CDK13: variants seen among roughly 807,000 people sequenced by gnomAD.
The protein encoded by CDK13 is cyclin dependent kinase 13, also known as cyclin-dependent kinase 13.
In CDK13, 40 loss-of-function variants were observed where a neutral mutation model predicts 137.6. The ratio of observed to expected loss-of-function variants is 0.29; its 90% CI spans 0.23 to 0.38. CDK13 has a LOEUF of 0.38. Ranked by LOEUF, CDK13 falls within the 10% of genes least tolerant of loss-of-function variation. The pLI, the probability that CDK13 is intolerant of heterozygous loss-of-function variation, is 1.00. For synonymous variants in CDK13, 869 were observed against 760.1 expected, an observed-to-expected ratio of 1.14 and a Z score of -2.36; for missense variants, 1,704 against 1,951.8, an observed-to-expected ratio of 0.87 and a Z score of 2.39.
chr7:40,000,433 C>G (rs1217558005), intron 4 of CDK13, among the ~76,000 whole-genome samples: 3 of 152,022 alleles, frequency 2.0e-5, no homozygotes, highest in African/African-American at 7.3e-5. Flanking sequence ...ATCCCAGCTA[C>G]TTGGGAGGCT....
intron 5 of CDK13, among the ~76,000 whole-genome samples, chr7:40,040,041 C>T (rs1785572794): frequency 7.1e-6 from 1 of 139,874 alleles, no homozygotes; most frequent in African/African-American, 2.7e-5. Context: ...GAGTTTTGCT[C>T]ATGTTGTTCA....
At chr7:40,020,292 T>C (rs1017801997) in intron 5 of CDK13, among the ~76,000 whole-genome samples, 2 of 152,124 alleles carry the variant, frequency 1.3e-5, no homozygotes, top group Non-Finnish European at 2.9e-5. Context: ...GGTCTCCAAC[T>C]CCTAGGCTCA....
rs1004161943 is a variant in CDK13, at chr7:40,098,221, C to G, written c.*3241C>G. 1 of 151,876 alleles carries G rather than the reference C, an allele frequency of 6.6e-6. No individual in the cohort carries two copies. Among genetic ancestry groups the G allele is most frequent in the African/African-American group, 2.4e-5 (1 of 41,344 alleles). The allele number at this position is 151,876 out of a possible 1,614,324, so 9.4% of individuals were successfully genotyped here. On this transcript the variant is annotated 3_prime_UTR_variant, in exon 14 of 14. Coordinates refer to ENST00000181839, the MANE Select transcript of CDK13 (RefSeq NM_003718.5). ...GTTGAATCTGGTCAGTTTGCAATGG[C>G]CTATTTGTAAGAAATATCAAGACTT...
intron 9 of CDK13, among the ~76,000 whole-genome samples, chr7:40,063,679 A>G (rs1425747501): frequency 1.3e-5 from 2 of 151,662 alleles, no homozygotes; most frequent in South Asian, 4.2e-4. Flanking sequence ...TTTTTTTGAG[A>G]TAGAGTCTCA....
intron 5 of CDK13, among the ~76,000 whole-genome samples, chr7:40,028,200 C>G (rs1785286166): frequency 1.4e-5 from 2 of 148,032 alleles, no homozygotes; most frequent in Admixed American, 1.3e-4. Flanking sequence ...TTCCCAGGAT[C>G]TCAGATGCTT....
In CDK13 at chr7:39,951,723, C is replaced by T. The variant is rs919868121; in HGVS notation, c.1082C>T (p.Pro361Leu). 4 of 1,487,364 alleles carry T rather than the reference C, an allele frequency of 2.7e-6. No homozygotes were observed. Among genetic ancestry groups the T allele is most frequent in the South Asian group, 1.4e-5 (1 of 73,842 alleles). 92.1% of individuals were successfully genotyped at this position (1,487,364 alleles called of 1,614,324 possible). Reference sequence around the variant, plus strand: ...CGGCGGCTGCCGCGCTCCCCGAGCCCCTACAGTCGCCGCCGCTCCCCCAGC... The same window carrying T: ...CGGCGGCTGCCGCGCTCCCCGAGCCTCTACAGTCGCCGCCGCTCCCCCAGC... ...YSRRLPRSPS[P>L]YSRRRSPSYS... is the part of the protein sequence containing the mutation. The change falls in exon 1 of 14, where the codon CCC (proline) becomes CTC (leucine). Residue 361 changes from proline (P) to leucine (L), a missense_variant. Pro to Leu is a moderately conservative substitution (Grantham distance 98). Transcript: ENST00000181839.
intron 1 of CDK13, among the ~76,000 whole-genome samples, chr7:39,964,397 C>T (rs116382420): frequency 0.018 from 2,751 of 152,148 alleles, 80 homozygotes; most frequent in African/African-American, 0.063. Flanking sequence ...AGATTTTCTA[C>T]TTTATTTGCG....
At chr7:39,955,582 G>C (rs906677945) in intron 1 of CDK13, among the ~76,000 whole-genome samples, 1 of 151,870 alleles carries the variant, frequency 6.6e-6, no homozygotes, top group Non-Finnish European at 1.5e-5. Context: ...GCTTCTGCTT[G>C]GGTATTTATG....
intron 5 of CDK13, among the ~76,000 whole-genome samples, chr7:40,008,666 G>A (rs1285931001): frequency 1.3e-5 from 2 of 152,156 alleles, no homozygotes; most frequent in African/African-American, 4.8e-5. Flanking sequence ...CTTAGCAACT[G>A]TAAACTATGT....
intron 13 of CDK13, among the ~76,000 whole-genome samples, chr7:40,093,507 A>T (rs1286508006): frequency 6.6e-6 from 1 of 152,222 alleles, no homozygotes; most frequent in African/African-American, 2.4e-5. Flanking sequence ...AACTCCAAAT[A>T]CGAAAGGATG....
At chr7:40,007,910 A>T (rs1784825602) in intron 5 of CDK13, among the ~76,000 whole-genome samples, 1 of 152,182 alleles carries the variant, frequency 6.6e-6, no homozygotes, top group Non-Finnish European at 1.5e-5. Context: ...GAATAGGTGG[A>T]ATGTTAAAGG....
chr7:39,976,315 T>TCA (rs1263912236), intron 1 of CDK13, among the ~76,000 whole-genome samples: 6 of 68,614 alleles, frequency 8.7e-5, no homozygotes, highest in Non-Finnish European at 1.8e-4. Flanking sequence ...TCTCTCTCTC[T>TCA]CTCTCTCTCA....
rs999174204 is a variant in CDK13, at chr7:39,951,740, T to C, written c.1099T>C (p.Ser367Pro). Residue 367 changes from serine to proline, a missense_variant, in exon 1 of 14, where the codon TCC (serine) becomes CCC (proline). Around this residue, in one of 5 missense-constraint regions of CDK13, gnomAD observed 1,051 missense variants for 931.0 expected, o/e 1.13. Coordinates refer to ENST00000181839, the MANE Select transcript of CDK13 (RefSeq NM_003718.5). ...RSPSPYSRRR[S>P]PSYSRHSSYE... ...CCCGAGCCCCTACAGTCGCCGCCGC[T>C]CCCCCAGCTACAGCCGCCACAGCTC... 6 of 1,470,336 alleles carry C rather than the reference T, an allele frequency of 4.1e-6. No homozygotes were observed. In the South Asian group the frequency reaches 4.2e-5, roughly 10 times the overall value. 91.1% of individuals were successfully genotyped at this position (1,470,336 alleles called of 1,614,324 possible).
intron 5 of CDK13, among the ~76,000 whole-genome samples, chr7:40,041,346 T>C (rs1006828606): frequency 1.3e-5 from 2 of 152,078 alleles, no homozygotes; most frequent in East Asian, 1.9e-4. Flanking sequence ...ACTAAACAAA[T>C]AATACATTTA....
chr7:40,003,196 ACACACACACACTCTCT>A (rs781095729), intron 5 of CDK13, among the ~76,000 whole-genome samples: 12,709 of 106,752 alleles, frequency 0.12, 637 homozygotes, highest in Non-Finnish European at 0.15. Context: ...ACACACACAC[ACACACACACACTCTCT>A]CTCTCTCTCT....
At chr7:40,069,407 G>A in intron 9 of CDK13, 1 of 420,464 alleles carries the variant, frequency 2.4e-6, no homozygotes, top group South Asian at 1.7e-5. Flanking sequence ...TACAGGGTTG[G>A]GTTCTAATGC....
chr7:40,050,357 T>C (rs1392041581), intron 7 of CDK13, among the ~76,000 whole-genome samples: 3 of 152,038 alleles, frequency 2.0e-5, no homozygotes, highest in Admixed American at 2.0e-4. Flanking sequence ...AAACTTAACT[T>C]GAAGTATATT....
At chr7:40,064,847 A>AT in intron 9 of CDK13, among the ~76,000 whole-genome samples, 1 of 140,350 alleles carries the variant, frequency 7.1e-6, no homozygotes, top group Non-Finnish European at 1.5e-5. Flanking sequence ...GCTGGAGTGC[A>AT]TTGGGGCAGT....
In CDK13 at chr7:39,999,520, G is replaced by A; in HGVS notation, c.2182+20G>A. 6.3e-7 allele frequency: 1 copy of A among 1,579,926 alleles called. No homozygotes were observed. Among genetic ancestry groups the A allele is most frequent in the East Asian group, 2.3e-5 (1 of 43,094 alleles). On this transcript the variant is annotated intron_variant, in intron 4 of 13. Coordinates refer to ENST00000181839, the MANE Select transcript of CDK13 (RefSeq NM_003718.5). ...ACACTGGTAAGAATGCCAAGTTCTG[G>A]GGATCTTTGGGCCTACGGAATGTAC...
Sources: allele counts gnomAD v4.1 joint callset (sites outside exome capture counted in the v4.1 genomes callset), GRCh38; gene constraint gnomAD v4.1.1; regional missense constraint gnomAD v4.1.1; transcripts MANE v1.5; gene names NCBI Gene and HGNC (gene_info 2026-07-23, HGNC 2026-07-21).